PRKD1: variants seen among roughly 807,000 people sequenced by gnomAD.
The protein encoded by PRKD1 is protein kinase D1.
A neutral mutation model predicts 95.9 loss-of-function variants in PRKD1; 63 were observed. That is an observed-to-expected ratio of 0.66 (90% CI 0.54 to 0.81). The LOEUF (loss-of-function observed/expected upper bound fraction) is 0.81. Among genes scored for constraint, PRKD1 ranks in the 30% least tolerant of loss-of-function variants. PRKD1 has a pLI of 0.00. For synonymous variants in PRKD1, 425 were observed against 423.1 expected (o/e 1.00, Z -0.05); for missense variants, 1,048 against 1,165.3 (o/e 0.90, Z 1.47).
At chr14:29,824,335 T>C (rs572415754) in intron 1 of PRKD1, among the ~76,000 whole-genome samples, 2 of 152,256 alleles carry the variant, frequency 1.3e-5, no homozygotes, top group South Asian at 4.2e-4. Flanking sequence ...TTTATGAAAA[T>C]TAGAGGTAAG....
intron 2 of PRKD1, among the ~76,000 whole-genome samples, chr14:29,715,216 G>C (rs1476314965): frequency 6.6e-6 from 1 of 151,864 alleles, no homozygotes; most frequent in Non-Finnish European, 1.5e-5. Flanking sequence ...TTTAGTAAAA[G>C]TATTTCTGCA....
At chr14:29,912,770 G>T (rs571037203) in intron 1 of PRKD1, among the ~76,000 whole-genome samples, 1 of 152,254 alleles carries the variant, frequency 6.6e-6, no homozygotes, top group South Asian at 2.1e-4. Context: ...ACACAATAAA[G>T]TACAACTTGA....
chr14:29,736,249 A>G (rs1251927836), intron 1 of PRKD1, among the ~76,000 whole-genome samples: 1 of 152,220 alleles, frequency 6.6e-6, no homozygotes. Context: ...AAATATGCAT[A>G]TTGGTCTTCA....
intron 17 of PRKD1, among the ~76,000 whole-genome samples, chr14:29,577,948 T>TA (rs2138940799): frequency 6.6e-6 from 1 of 152,268 alleles, no homozygotes; most frequent in Non-Finnish European, 1.5e-5. Context: ...GGATTACACA[T>TA]ACAGATGCTT....
At chr14:29,823,686 C>T (rs900517885) in intron 1 of PRKD1, among the ~76,000 whole-genome samples, 2 of 152,100 alleles carry the variant, frequency 1.3e-5, no homozygotes, top group African/African-American at 4.8e-5. Flanking sequence ...TCTTAAGTAA[C>T]AGGTCAGAGG....
At chr14:29,618,358 T>G (rs1879011540) in intron 13 of PRKD1, among the ~76,000 whole-genome samples, 1 of 151,650 alleles carries the variant, frequency 6.6e-6, no homozygotes, top group African/African-American at 2.4e-5. Flanking sequence ...AGGGTTCAAG[T>G]GACTCTCCTG....
intron 4 of PRKD1, among the ~76,000 whole-genome samples, chr14:29,640,181 C>T (rs534718630): frequency 9.7e-4 from 148 of 152,244 alleles, no homozygotes; most frequent in Admixed American, 2.9e-3. Context: ...TAAATACATA[C>T]CCCTGGGTCA....
At chr14:29,914,669 G>C (rs1038517709) in intron 1 of PRKD1, among the ~76,000 whole-genome samples, 1 of 152,140 alleles carries the variant, frequency 6.6e-6, no homozygotes, top group Admixed American at 6.5e-5. Flanking sequence ...GCAGGTGGAG[G>C]TTACAGTGAG....
chr14:29,617,582 A>G lies in PRKD1; in HGVS notation c.1905+6570T>C, dbSNP rs755884797. Among the ~76,000 whole-genome samples the G allele has an allele frequency of 5.8e-4, 88 of 152,220 alleles. 1 individual carries two copies. Among genetic ancestry groups the G allele is most frequent in the Non-Finnish European group, 1.0e-3 (70 of 68,032 alleles). ...TCTAGTATCGATAAATGAAAGTTGC[A>G]ATACAAGAAAAGGAGAAAAATATTA... On this transcript the variant is annotated intron_variant, in intron 13 of 17. Coordinates refer to ENST00000331968, the MANE Select transcript of PRKD1 (RefSeq NM_002742.3).
intron 1 of PRKD1, among the ~76,000 whole-genome samples, chr14:29,812,527 G>A (rs1312200816): frequency 1.3e-5 from 2 of 152,144 alleles, no homozygotes; most frequent in African/African-American, 2.4e-5. Flanking sequence ...AAGAGCTTCT[G>A]CATGTCTAGG....
At position 29,826,742 on chromosome 14, in the gene PRKD1, T is replaced by TAC. The variant is rs1277702907; in HGVS notation, c.264+100505_264+100506dup. ...ATATACATATATATACACATATATA[T>TAC]ACACATATATATATACATATATATA... On this transcript the variant is annotated intron_variant, in intron 1 of 17. Coordinates refer to ENST00000331968, the MANE Select transcript of PRKD1 (RefSeq NM_002742.3). Among the ~76,000 whole-genome samples the TAC allele has an allele frequency of 1.1e-3, 71 of 64,486 alleles. 5 individuals are homozygous for TAC. The highest frequency in any genetic ancestry group is 4.4e-3 in the African/African-American group (67 of 15,222). The allele number at this position is 64,486 out of a possible 152,430, so 42.3% of individuals were successfully genotyped here.
Position 29,695,166 on chromosome 14 carries a change from G to A in PRKD1, c.404-28958C>T, listed in dbSNP as rs549320192. Among the ~76,000 whole-genome samples, 404 of 151,406 alleles carry A rather than the reference G, an allele frequency of 2.7e-3. 2 individuals are homozygous for A. Among genetic ancestry groups the A allele is most frequent in the African/African-American group, 9.5e-3 (392 of 41,216 alleles). Reference sequence around the variant, plus strand: ...GGAGAATCACTTGAACCCGGGAGGCGGAGGTTGCAGTGAGCTGAGATCCTG... The same window carrying A: ...GGAGAATCACTTGAACCCGGGAGGCAGAGGTTGCAGTGAGCTGAGATCCTG... On this transcript the variant is annotated intron_variant, in intron 2 of 17. Coordinates refer to ENST00000331968, the MANE Select transcript of PRKD1 (RefSeq NM_002742.3).
intron 1 of PRKD1, among the ~76,000 whole-genome samples, chr14:29,919,070 A>G (rs986222178): frequency 6.6e-6 from 1 of 152,220 alleles, no homozygotes; most frequent in African/African-American, 2.4e-5. Flanking sequence ...CAATACATTC[A>G]CTAGTTCCTC....
intron 1 of PRKD1, among the ~76,000 whole-genome samples, chr14:29,773,376 C>G (rs778870181): frequency 2.7e-5 from 4 of 149,690 alleles, no homozygotes; most frequent in Non-Finnish European, 4.4e-5. Context: ...AGGAGAATCA[C>G]TTGAACTTGG....
intron 2 of PRKD1, among the ~76,000 whole-genome samples, chr14:29,698,919 A>C (rs1884677683): frequency 6.6e-6 from 1 of 152,154 alleles, no homozygotes; most frequent in African/African-American, 2.4e-5. Flanking sequence ...GCAAAAACAG[A>C]TTCGCGTGGT....
chr14:29,690,523 T>C (rs1350465166), intron 2 of PRKD1, among the ~76,000 whole-genome samples: 2 of 152,214 alleles, frequency 1.3e-5, no homozygotes, highest in Non-Finnish European at 2.9e-5. Flanking sequence ...CCAACTCTGC[T>C]TCTGTGAATA....
At chr14:29,775,407 C>T (rs2139150481) in intron 1 of PRKD1, among the ~76,000 whole-genome samples, 1 of 152,320 alleles carries the variant, frequency 6.6e-6, no homozygotes, top group South Asian at 2.1e-4. Context: ...CCAAGGGAAG[C>T]TGTGACAGAT....
intron 1 of PRKD1, among the ~76,000 whole-genome samples, chr14:29,896,454 A>G (rs1196911023): frequency 1.3e-5 from 2 of 152,124 alleles, no homozygotes; most frequent in African/African-American, 4.8e-5. Flanking sequence ...TGCTTAGGTG[A>G]TAGGAGAGGA....
At chr14:29,587,106 T>C (rs1248896305) in intron 16 of PRKD1, among the ~76,000 whole-genome samples, 3 of 152,202 alleles carry the variant, frequency 2.0e-5, no homozygotes, top group Non-Finnish European at 4.4e-5. Flanking sequence ...TTCAAACCTC[T>C]GAGATGAGTC....
Sources: allele counts gnomAD v4.1 joint callset (sites outside exome capture counted in the v4.1 genomes callset), GRCh38; gene constraint gnomAD v4.1.1; transcripts MANE v1.5; gene names NCBI Gene and HGNC (gene_info 2026-07-23, HGNC 2026-07-21).